Variants in CREM observed in about 807,000 individuals in gnomAD.
CREM encodes cAMP responsive element modulator.
Under a neutral mutation model 37.3 loss-of-function variants are expected in CREM, and 13 were observed. The observed-to-expected ratio is 0.35, with a 90% CI of 0.23 to 0.55. The LOEUF is 0.55. Among genes scored for constraint, CREM ranks in the 20% least tolerant of loss-of-function variants. The probability of loss-of-function intolerance (pLI) is 0.88; values close to 1 mark genes in which losing one functional copy is unlikely to be tolerated. For synonymous variants in CREM, 124 were observed against 120.2 expected (o/e 1.03, Z -0.21); for missense variants, 296 against 362.3 (o/e 0.82, Z 1.49).
chr10:35,210,511 AG>A (rs2095642507), intron 7 of CREM: 1 of 152,218 alleles, frequency 6.6e-6, no homozygotes, highest in Non-Finnish European at 1.5e-5. Context: ...ATTAGGAAAC[AG>A]TCTTGAAATA....
At chr10:35,201,383 G>C in intron 6 of CREM, 1 of 1,532,664 alleles carries the variant, frequency 6.5e-7, no homozygotes, top group Non-Finnish European at 8.9e-7. Context: ...CACTGTGCTA[G>C]ACACTTTGAC....
chr10:35,166,763 A>G (rs2093576269), intron 3 of CREM, among the ~76,000 whole-genome samples: 1 of 152,168 alleles, frequency 6.6e-6, no homozygotes, highest in Admixed American at 6.5e-5. Context: ...ATGGGAAGGA[A>G]GTCACTCAAG....
chr10:35,193,928 C>T (rs984369006), intron 6 of CREM, among the ~76,000 whole-genome samples: 4 of 151,230 alleles, frequency 2.6e-5, no homozygotes, highest in Non-Finnish European at 5.9e-5. Flanking sequence ...GGTGAAACCC[C>T]GTCTCTACTA....
Position 35,168,335 on chromosome 10 carries a change from T to C in CREM, c.169-10554T>C, listed in dbSNP as rs149556189. Among the ~76,000 whole-genome samples the C allele has an allele frequency of 3.8e-4, 58 of 152,372 alleles. 1 individual carries two copies. Among genetic ancestry groups the C allele is most frequent in the Non-Finnish European group, 5.7e-4 (39 of 68,042 alleles). On this transcript the variant is annotated intron_variant, in intron 3 of 7. Coordinates refer to ENST00000685392, the MANE Select transcript of CREM (RefSeq NM_183011.2). ...TATCTTATTGTGGTTTAGATTTGCATTTCTCTGATGGCCAGTGATGAGCAT... is the reference window on the plus strand; with the variant it reads ...TATCTTATTGTGGTTTAGATTTGCACTTCTCTGATGGCCAGTGATGAGCAT...
chr10:35,188,846 C>G (rs563793586), intron 6 of CREM, among the ~76,000 whole-genome samples: 10 of 151,778 alleles, frequency 6.6e-5, no homozygotes, highest in African/African-American at 2.4e-4. Context: ...TTAGTAGAGA[C>G]GGGGTTTCAC....
chr10:35,206,245 C>A (rs1290508224), intron 6 of CREM, among the ~76,000 whole-genome samples: 6 of 143,614 alleles, frequency 4.2e-5, no homozygotes, highest in Non-Finnish European at 9.2e-5. Context: ...GAGACTCCGT[C>A]TCAAAAAAAA....
intron 3 of CREM, among the ~76,000 whole-genome samples, chr10:35,168,317 T>C (rs1393532576): frequency 6.6e-6 from 1 of 152,216 alleles, no homozygotes; most frequent in African/African-American, 2.4e-5. Context: ...TGGTATCTTA[T>C]TGTGGTTTAG....
chr10:35,133,019 T>C (rs955644520), intron 1 of CREM, among the ~76,000 whole-genome samples: 5 of 152,242 alleles, frequency 3.3e-5, no homozygotes, highest in Admixed American at 3.3e-4. Context: ...CTCTGTTCTC[T>C]TTCTCTTCCT....
At chr10:35,205,440 G>GT (rs918406055) in intron 6 of CREM, among the ~76,000 whole-genome samples, 17 of 151,790 alleles carry the variant, frequency 1.1e-4, no homozygotes, top group East Asian at 1.9e-4. Context: ...GTTGTTTTTT[G>GT]TTTTTTTTAC....
At chr10:35,200,878 A>G (rs2095362838) in intron 6 of CREM, among the ~76,000 whole-genome samples, 1 of 152,248 alleles carries the variant, frequency 6.6e-6, no homozygotes, top group Admixed American at 6.5e-5. Flanking sequence ...TTAATAAACA[A>G]TTGAATAAAA....
At chr10:35,210,991 T>C (rs571311492) in intron 7 of CREM, among the ~76,000 whole-genome samples, 1 of 152,348 alleles carries the variant, frequency 6.6e-6, no homozygotes, top group African/African-American at 2.4e-5. Context: ...AAAACAGTTG[T>C]GGGCATTGTT....
chr10:35,149,932 A>ACACC (rs1564819698), intron 3 of CREM, among the ~76,000 whole-genome samples: 1 of 150,152 alleles, frequency 6.7e-6, no homozygotes, highest in Non-Finnish European at 1.5e-5. Context: ...ACACACACAC[A>ACACC]CACACACCCT....
intron 1 of CREM, among the ~76,000 whole-genome samples, chr10:35,134,294 G>A (rs1489368871): frequency 6.6e-6 from 1 of 152,164 alleles, no homozygotes; most frequent in African/African-American, 2.4e-5. Context: ...TTGGCTCACT[G>A]CAACCTCTGC....
rs755887956 is a variant in CREM at position 35,178,885 on chromosome 10, A to G, written c.169-4A>G. On this transcript the variant is annotated splice_region_variant and splice_polypyrimidine_tract_variant and intron_variant, in intron 3 of 7. Coordinates refer to ENST00000685392, the MANE Select transcript of CREM (RefSeq NM_183011.2). ...GATACATTTCAGAAAATCTTGTATTATAGGTAGCAGCAATTGCAGAGACAG... is the reference window on the plus strand; with the variant it reads ...GATACATTTCAGAAAATCTTGTATTGTAGGTAGCAGCAATTGCAGAGACAG... The G allele has an allele frequency of 7.5e-6, 12 of 1,602,510 alleles. No homozygotes were observed. The East Asian group carries it at 2.2e-4, about 30-fold the overall frequency.
intron 2 of CREM, among the ~76,000 whole-genome samples, chr10:35,142,283 A>G (rs1028791607): frequency 2.6e-5 from 4 of 152,144 alleles, no homozygotes; most frequent in African/African-American, 4.8e-5. Flanking sequence ...AGGGGGAGAG[A>G]ATAATTGATA....
intron 3 of CREM, among the ~76,000 whole-genome samples, chr10:35,172,286 A>T (rs572452804): frequency 2.6e-5 from 4 of 152,344 alleles, no homozygotes; most frequent in Admixed American, 2.6e-4. Flanking sequence ...CTTTAAGCTG[A>T]AAGCCAGGGT....
intron 3 of CREM, among the ~76,000 whole-genome samples, chr10:35,161,043 AAAT>A (rs1412353097): frequency 6.6e-6 from 1 of 152,212 alleles, no homozygotes; most frequent in Non-Finnish European, 1.5e-5. Context: ...ACTTGAAGTA[AAAT>A]AATAATAAAA....
chr10:35,207,826 T>C (rs2095570882), intron 7 of CREM, among the ~76,000 whole-genome samples: 2 of 152,178 alleles, frequency 1.3e-5, no homozygotes, highest in African/African-American at 2.4e-5. Context: ...ACATGTTGTG[T>C]GGCATTTCAT....
Position 35,197,024 on chromosome 10 carries a change from A to AT in CREM, c.598+8642dup, listed in dbSNP as rs199924049. Among the ~76,000 whole-genome samples, 1,211 of 151,898 alleles carry AT rather than the reference A, an allele frequency of 8.0e-3. 22 individuals are homozygous for AT. Among genetic ancestry groups the AT allele is most frequent in the African/African-American group, 0.027 (1,136 of 41,432 alleles). ...AGCTGGGACTACAGGCGCCCGCCTA[A>AT]TTTTTTGTATTTTTAATAGAGGCGG... On this transcript the variant is annotated intron_variant, in intron 6 of 7. Transcript: ENST00000685392.
Sources: gnomAD v4.1 joint callset for allele counts (sites outside exome capture counted in the v4.1 genomes callset) on GRCh38, gnomAD v4.1.1 for gene constraint, MANE v1.5 for transcripts, NCBI Gene and HGNC (gene_info 2026-07-23, HGNC 2026-07-21) for gene names.